The following VASH2 variants were observed in gnomAD, a reference collection of about 807,000 sequenced individuals.
The protein encoded by VASH2 is vasohibin 2, also known as tubulinyl-Tyr carboxypeptidase 2.
Under a neutral mutation model 37.2 loss-of-function variants are expected in VASH2, and 28 were observed. The ratio of observed to expected loss-of-function variants is 0.75; its 90% CI spans 0.56 to 1.03. VASH2 has a LOEUF of 1.03. VASH2 is among the 50% of genes least tolerant of loss of function. The probability of loss-of-function intolerance (pLI) is 0.00; values close to 1 mark genes in which losing one functional copy is unlikely to be tolerated. For synonymous variants in VASH2, 188 were observed against 174.7 expected (o/e 1.08, Z -0.60); for missense variants, 419 against 459.1 (o/e 0.91, Z 0.80).
intron 7 of VASH2, among the ~76,000 whole-genome samples, chr1:212,976,470 C>A (rs1667174951): frequency 6.6e-6 from 1 of 151,990 alleles, no homozygotes; most frequent in Non-Finnish European, 1.5e-5. Flanking sequence ...GTAGTCCCAG[C>A]TTCTTGGGAG....
chr1:212,971,101 A>G lies in VASH2; in HGVS notation c.498-1479A>G, dbSNP rs1331543502. Among the ~76,000 whole-genome samples, 1 of 152,184 alleles carries G rather than the reference A, an allele frequency of 6.6e-6. No homozygotes were observed. Among genetic ancestry groups the G allele is most frequent in the African/African-American group, 2.4e-5 (1 of 41,424 alleles). The stretch of plus-strand genomic sequence containing the variant: ...GCTGATTTCACTCAGCATGTCTTCA[A>G]GGCTCATTCTGCACATTGCAGAATT... On this transcript the variant is annotated intron_variant, in intron 5 of 7. Transcript: ENST00000517399. This position sits in a 1 kb window ranked among gnomAD's most constrained non-coding sequence, Gnocchi z 4.0.
chr1:212,970,461 C>G (rs1248626654), intron 5 of VASH2, among the ~76,000 whole-genome samples: 1 of 152,192 alleles, frequency 6.6e-6, no homozygotes, highest in East Asian at 1.9e-4. Context: ...GGTTGCTAGG[C>G]TTGCCTTTCT....
At chr1:212,968,246 T>C (rs1666908863) in intron 5 of VASH2, 1 of 985,088 alleles carries the variant, frequency 1.0e-6, no homozygotes, top group South Asian at 4.7e-5. Context: ...GTTCAATAAG[T>C]GAAAGGAGAA....
intron 5 of VASH2, chr1:212,966,823 G>T (rs1352585232): frequency 1.2e-5 from 4 of 341,746 alleles, no homozygotes. Context: ...CGCCTCCCAG[G>T]CTCAAGTGAC....
At position 212,953,099 on chromosome 1, in the gene VASH2, T is replaced by G. The variant is rs183693452; in HGVS notation, c.276+1281T>G. On this transcript the variant is annotated intron_variant, in intron 2 of 7. Coordinates refer to ENST00000517399, the MANE Select transcript of VASH2 (RefSeq NM_001301056.2). Reference sequence around the variant, plus strand: ...GTGAGGAGCCGAGAGCCCTTAAACTTGGAAGAAAAGTGACCACAAGGAAAA... The same window carrying G: ...GTGAGGAGCCGAGAGCCCTTAAACTGGGAAGAAAAGTGACCACAAGGAAAA... Among the ~76,000 whole-genome samples, 26 of 152,266 alleles carry G rather than the reference T, an allele frequency of 1.7e-4. No individual in the cohort carries two copies. In the East Asian group the frequency reaches 2.1e-3, roughly 12 times the overall value.
intron 7 of VASH2, chr1:212,974,823 G>A (rs967200334): frequency 6.6e-6 from 1 of 152,234 alleles, no homozygotes; most frequent in Admixed American, 6.5e-5. Context: ...TGCACAGGGG[G>A]CTTGGTTGAA....
chr1:212,967,184 C>T, intron 5 of VASH2: 1 of 1,304,246 alleles, frequency 7.7e-7, no homozygotes, highest in Non-Finnish European at 1.0e-6. Context: ...ACTCCCGGCT[C>T]TTCAGCCTGA....
intron 2 of VASH2, among the ~76,000 whole-genome samples, chr1:212,958,237 C>T (rs1276795273): frequency 6.6e-6 from 1 of 152,186 alleles, no homozygotes; most frequent in Non-Finnish European, 1.5e-5. Flanking sequence ...ACAGCTCTCC[C>T]AGACATCAGA....
At chr1:212,980,144 G>A (rs1203647673) in intron 7 of VASH2, among the ~76,000 whole-genome samples, 1 of 152,190 alleles carries the variant, frequency 6.6e-6, no homozygotes, top group Non-Finnish European at 1.5e-5. Context: ...CACCTCAAAT[G>A]CCAACAGCGC....
rs1666305159 is a variant in VASH2, at chr1:212,951,533, A to AG, written c.-8dup. On this transcript the variant is annotated 5_prime_UTR_variant, in exon 2 of 8. Transcript: ENST00000517399. The surrounding 1 kb of genome is among the most constrained non-coding windows in gnomAD (Gnocchi z 4.4). ...GCCCCCAGTACCTCGCTCCCCGCCC[A>AG]GGCCCCACCATGACCGGCTCCGCGG... The AG allele has an allele frequency of 1.4e-6, 2 of 1,470,104 alleles. No homozygotes were observed. The highest frequency in any genetic ancestry group is 2.7e-5 in the South Asian group (2 of 73,626). The allele number at this position is 1,470,104 out of a possible 1,614,324, so 91.1% of individuals were successfully genotyped here.
intron 2 of VASH2, among the ~76,000 whole-genome samples, chr1:212,953,006 T>G (rs552342200): frequency 2.6e-5 from 4 of 152,324 alleles, no homozygotes; most frequent in African/African-American, 9.6e-5. Flanking sequence ...TTACCCTTGC[T>G]GAGTTCTTGA....
Position 212,965,789 on chromosome 1 carries a change from C to T in VASH2, c.422+11C>T, listed in dbSNP as rs1572065906. The T allele has an allele frequency of 2.6e-6, 4 of 1,551,202 alleles. No homozygotes were observed. The East Asian group carries it at 9.8e-5, about 38-fold the overall frequency. ...GAGACCGCTGAGTGGGTAAGTGGTGCATGATCTATGGGCCAGATGACCTCT... is the reference window on the plus strand; with the variant it reads ...GAGACCGCTGAGTGGGTAAGTGGTGTATGATCTATGGGCCAGATGACCTCT... On this transcript the variant is annotated intron_variant, in intron 4 of 7. Transcript: ENST00000517399.
At chr1:212,978,950 G>A (rs186550801) in intron 7 of VASH2, among the ~76,000 whole-genome samples, 1 of 152,362 alleles carries the variant, frequency 6.6e-6, no homozygotes, top group East Asian at 1.9e-4. Context: ...GAGGAGGGAA[G>A]ATTCTCTCCC....
At chr1:212,957,550 G>A (rs1325979231) in intron 2 of VASH2, among the ~76,000 whole-genome samples, 1 of 151,980 alleles carries the variant, frequency 6.6e-6, no homozygotes, top group Non-Finnish European at 1.5e-5. Context: ...AGAAAGTAGG[G>A]ATCATTCAGG....
chr1:212,983,174 G>T (rs1304490463), intron 7 of VASH2, among the ~76,000 whole-genome samples: 1 of 152,206 alleles, frequency 6.6e-6, no homozygotes, highest in African/African-American at 2.4e-5. Context: ...CTTTCAAATT[G>T]TTCACAGTCT....
intron 4 of VASH2, 135 bp downstream of exon 4, chr1:212,965,913 C>A: frequency 2.3e-6 from 2 of 863,716 alleles, no homozygotes; most frequent in Non-Finnish European, 3.6e-6. Context: ...GGAGGGTGCC[C>A]CAGGGCCAGG....
chr1:212,979,378 C>T (rs990914059), intron 7 of VASH2, among the ~76,000 whole-genome samples: 1 of 152,218 alleles, frequency 6.6e-6, no homozygotes, highest in Non-Finnish European at 1.5e-5. Context: ...CTGTGCTATT[C>T]TGTCAGCATT....
At chr1:212,978,270 G>A (rs910697340) in intron 7 of VASH2, among the ~76,000 whole-genome samples, 20 of 152,176 alleles carry the variant, frequency 1.3e-4, no homozygotes, top group Admixed American at 5.9e-4. Flanking sequence ...CCACCCCTGC[G>A]CCTGCAGAGG....
chr1:212,964,737 G>T (rs562806175), intron 3 of VASH2, among the ~76,000 whole-genome samples: 3 of 152,188 alleles, frequency 2.0e-5, no homozygotes, highest in Admixed American at 1.3e-4. Flanking sequence ...CTACTGCAAA[G>T]CCCTACTGCT....
Sources: allele counts gnomAD v4.1 joint callset (sites outside exome capture counted in the v4.1 genomes callset), GRCh38; gene constraint gnomAD v4.1.1; non-coding constraint Gnocchi (gnomAD v3.1); transcripts MANE v1.5; gene names NCBI Gene and HGNC (gene_info 2026-07-23, HGNC 2026-07-21).